The following NAALADL2 variants were observed in gnomAD, a reference collection of about 807,000 sequenced individuals.
NAALADL2 encodes the protein inactive N-acetylated-alpha-linked acidic dipeptidase-like protein 2.
Under a neutral mutation model 87.2 loss-of-function variants are expected in NAALADL2, and 76 were observed. The ratio of observed to expected loss-of-function variants is 0.87; its 90% CI spans 0.72 to 1.05. The LOEUF is 1.05. Ranked by LOEUF, NAALADL2 falls within the 50% of genes least tolerant of loss-of-function variation. The pLI is 0.00. For missense variants in NAALADL2, 1,089 were observed against 945.8 expected (o/e 1.15, Z -1.99); for synonymous variants, 354 against 331.0 (o/e 1.07, Z -0.75).
intron 2 of NAALADL2, among the ~76,000 whole-genome samples, chr3:175,170,998 T>C (rs1734724389): frequency 6.6e-6 from 1 of 152,066 alleles, no homozygotes; most frequent in East Asian, 1.9e-4. Flanking sequence ...TTCACATTTT[T>C]TCCCAATTTC....
chr3:174,713,138 C>A (rs1056954109), intron 2 of NAALADL2, among the ~76,000 whole-genome samples: 3 of 152,136 alleles, frequency 2.0e-5, no homozygotes, highest in Admixed American at 6.6e-5. Context: ...TAAACTCATC[C>A]TTTTTTATGG....
At chr3:174,761,837 C>T (rs1325939445) in intron 3 of NAALADL2, among the ~76,000 whole-genome samples, 1 of 149,208 alleles carries the variant, frequency 6.7e-6, no homozygotes. Flanking sequence ...TCAGTTCCCA[C>T]CTATGAGTGA....
At chr3:175,178,720 TA>T in intron 2 of NAALADL2, among the ~76,000 whole-genome samples, 1 of 152,188 alleles carries the variant, frequency 6.6e-6, no homozygotes, top group East Asian at 1.9e-4. Flanking sequence ...TGCATTTCTA[TA>T]AAGTTTCAAC....
intron 6 of NAALADL2, among the ~76,000 whole-genome samples, chr3:175,450,936 C>G (rs1032681116): frequency 8.6e-5 from 13 of 151,942 alleles, no homozygotes; most frequent in African/African-American, 2.9e-4. Flanking sequence ...ATCTTAAGAC[C>G]ATGGGAATGC....
intron 2 of NAALADL2, among the ~76,000 whole-genome samples, chr3:175,130,429 C>T (rs557305104): frequency 3.2e-4 from 48 of 152,214 alleles, no homozygotes; most frequent in Admixed American, 9.2e-4. Context: ...AAGACCAATG[C>T]CACAGAACTT....
At chr3:175,317,691 AT>A (rs1007998765) in intron 4 of NAALADL2, among the ~76,000 whole-genome samples, 7 of 152,176 alleles carry the variant, frequency 4.6e-5, no homozygotes, top group Admixed American at 2.0e-4. Flanking sequence ...TCTCAAAAAA[AT>A]ATGTAAATAG....
At chr3:175,317,455 C>T (rs1759301019) in intron 4 of NAALADL2, among the ~76,000 whole-genome samples, 1 of 151,736 alleles carries the variant, frequency 6.6e-6, no homozygotes, top group African/African-American at 2.4e-5. Flanking sequence ...ACAATCCCTC[C>T]CTAGACAGCT....
chr3:175,545,127 C>T (rs1246184566), intron 9 of NAALADL2, among the ~76,000 whole-genome samples: 1 of 152,096 alleles, frequency 6.6e-6, no homozygotes, highest in African/African-American at 2.4e-5. Context: ...TATTATTATA[C>T]TCATTTAACA....
At chr3:175,655,160 T>C (rs1731285064) in intron 11 of NAALADL2, among the ~76,000 whole-genome samples, 1 of 152,180 alleles carries the variant, frequency 6.6e-6, no homozygotes, top group African/African-American at 2.4e-5. Context: ...AATGATGCCA[T>C]GTACTCTTTG....
intron 9 of NAALADL2, among the ~76,000 whole-genome samples, chr3:175,502,704 A>G (rs181448278): frequency 1.8e-4 from 28 of 152,110 alleles, no homozygotes; most frequent in African/African-American, 6.7e-4. Context: ...TCTCAATCCC[A>G]GTATACATAC....
chr3:175,246,480 TA>T (rs1747999903), intron 3 of NAALADL2, among the ~76,000 whole-genome samples: 1 of 152,166 alleles, frequency 6.6e-6, no homozygotes, highest in Admixed American at 6.6e-5. Flanking sequence ...ATGTCAAGTC[TA>T]AAAGACTTCA....
intron 1 of NAALADL2, among the ~76,000 whole-genome samples, chr3:175,087,401 G>A (rs1719218736): frequency 1.3e-5 from 2 of 152,242 alleles, no homozygotes; most frequent in African/African-American, 2.4e-5. Context: ...ACCCCGTCTG[G>A]GAGGTGTACC....
At chr3:175,412,387 C>T (rs1192580892) in intron 5 of NAALADL2, among the ~76,000 whole-genome samples, 1 of 152,072 alleles carries the variant, frequency 6.6e-6, no homozygotes, top group East Asian at 1.9e-4. Context: ...TTGAACTTTA[C>T]TGTAAAAATA....
At chr3:174,744,131 G>A (rs1038829013) in intron 3 of NAALADL2, among the ~76,000 whole-genome samples, 1 of 151,932 alleles carries the variant, frequency 6.6e-6, no homozygotes, top group Non-Finnish European at 1.5e-5. Context: ...CTTGGTACCT[G>A]TGAATATGTT....
chr3:175,271,565 G>A (rs1418852769), intron 4 of NAALADL2, among the ~76,000 whole-genome samples: 2 of 152,170 alleles, frequency 1.3e-5, no homozygotes, highest in African/African-American at 2.4e-5. Flanking sequence ...GCCGAGGTGG[G>A]TGGATCACCT....
intron 9 of NAALADL2, among the ~76,000 whole-genome samples, chr3:175,502,410 C>T (rs752863489): frequency 2.0e-5 from 3 of 152,100 alleles, no homozygotes; most frequent in Non-Finnish European, 4.4e-5. Flanking sequence ...TGAGGCAATG[C>T]GACAAGTAAG....
At chr3:175,562,271 G>A (rs922132198) in intron 9 of NAALADL2, among the ~76,000 whole-genome samples, 3 of 152,106 alleles carry the variant, frequency 2.0e-5, no homozygotes, top group Non-Finnish European at 4.4e-5. Flanking sequence ...TCTTAGCAAT[G>A]ATAGCTTTAA....
intron 11 of NAALADL2, among the ~76,000 whole-genome samples, chr3:175,701,176 G>C (rs1738941060): frequency 6.6e-6 from 1 of 152,118 alleles, no homozygotes; most frequent in Non-Finnish European, 1.5e-5. Flanking sequence ...CTCATTGGAG[G>C]CTGTAGGGTT....
At chr3:175,437,620 CA>C (rs1351200801) in intron 5 of NAALADL2, among the ~76,000 whole-genome samples, 1 of 149,442 alleles carries the variant, frequency 6.7e-6, no homozygotes, top group Non-Finnish European at 1.5e-5. Flanking sequence ...CATATGGAAC[CA>C]AAAAGGAGCC....
Sources: gnomAD v4.1 joint callset for allele counts (sites outside exome capture counted in the v4.1 genomes callset) on GRCh38, gnomAD v4.1.1 for gene constraint, MANE v1.5 for transcripts, NCBI Gene and HGNC (gene_info 2026-07-23, HGNC 2026-07-21) for gene names.